Variants in WWOX observed in about 807,000 individuals in gnomAD.
The protein encoded by WWOX is WW domain-containing oxidoreductase.
In WWOX, 69 loss-of-function variants were observed where a neutral mutation model predicts 46.2. The observed-to-expected ratio is 1.49, with a 90% CI of 1.23 to 1.82. The LOEUF (loss-of-function observed/expected upper bound fraction) is 1.82, where lower values mean the gene tolerates loss of function less well. Among genes scored for constraint, WWOX ranks in the 40% most tolerant of loss-of-function variants. The pLI, the probability that WWOX is intolerant of heterozygous loss-of-function variation, is 0.00. For missense variants in WWOX, 919 were observed against 542.6 expected (o/e 1.69, Z -6.89); for synonymous variants, 359 against 202.6 (o/e 1.77, Z -6.56).
chr16:79,169,225 C>G (rs2050654133), intron 8 of WWOX, among the ~76,000 whole-genome samples: 1 of 152,034 alleles, frequency 6.6e-6, no homozygotes, highest in Non-Finnish European at 1.5e-5. Flanking sequence ...GCATTTGGCT[C>G]CAGGTTTTTC....
At chr16:78,728,164 A>G (rs2048881555) in intron 8 of WWOX, among the ~76,000 whole-genome samples, 1 of 145,812 alleles carries the variant, frequency 6.9e-6, no homozygotes, top group Non-Finnish European at 1.5e-5. Context: ...TCCTGGGTTC[A>G]AGTGATTCTC....
At chr16:78,446,900 A>G (rs1420847822) in intron 8 of WWOX, among the ~76,000 whole-genome samples, 5 of 152,056 alleles carry the variant, frequency 3.3e-5, no homozygotes, top group Non-Finnish European at 7.4e-5. Context: ...ACCTCAAGGG[A>G]TCCACCTACC....
At chr16:78,933,776 A>T (rs953492634) in intron 8 of WWOX, among the ~76,000 whole-genome samples, 1 of 152,172 alleles carries the variant, frequency 6.6e-6, no homozygotes, top group Non-Finnish European at 1.5e-5. Context: ...AGCATGGGAA[A>T]ATCCTGCACC....
intron 8 of WWOX, among the ~76,000 whole-genome samples, chr16:78,757,433 C>G (rs148074789): frequency 1.7e-3 from 261 of 152,206 alleles, no homozygotes; most frequent in Middle Eastern, 6.8e-3. Flanking sequence ...TACCTCTTGC[C>G]TCATCAGTTA....
chr16:78,271,823 AG>A (rs1289971777), intron 5 of WWOX, among the ~76,000 whole-genome samples: 1 of 152,226 alleles, frequency 6.6e-6, no homozygotes. Context: ...TATGTGAGGT[AG>A]GGTAGGACAT....
chr16:79,041,634 G>T (rs1479689562), intron 8 of WWOX, among the ~76,000 whole-genome samples: 3 of 152,132 alleles, frequency 2.0e-5, no homozygotes, highest in African/African-American at 4.8e-5. Context: ...GGGGTCAGTA[G>T]CAGGCCACCA....
intron 8 of WWOX, among the ~76,000 whole-genome samples, chr16:79,044,757 G>A (rs1414145281): frequency 6.6e-6 from 1 of 152,160 alleles, no homozygotes; most frequent in Non-Finnish European, 1.5e-5. Context: ...GTTGAAGAAT[G>A]GAAAAGAAGG....
rs566711972 is a variant in WWOX at position 78,863,620 on chromosome 16, C to T, written c.1057-347988C>T. ...CTCCCAACCATAAGCTGTATTCAGGCAGGCACGAAGTCTCTTATTTACTCA... is the reference window on the plus strand; with the variant it reads ...CTCCCAACCATAAGCTGTATTCAGGTAGGCACGAAGTCTCTTATTTACTCA... On this transcript the variant is annotated intron_variant, in intron 8 of 8. Transcript: ENST00000566780. Among the ~76,000 whole-genome samples, 68 of 152,304 alleles carry T rather than the reference C, an allele frequency of 4.5e-4. No homozygotes were observed. The South Asian group carries it at 0.014, about 31-fold the overall frequency.
chr16:79,172,524 C>CA (rs1303093983), intron 8 of WWOX, among the ~76,000 whole-genome samples: 1 of 152,122 alleles, frequency 6.6e-6, no homozygotes, highest in African/African-American at 2.4e-5. Flanking sequence ...TGCTCCTCCT[C>CA]ACTGAGTGGC....
intron 8 of WWOX, among the ~76,000 whole-genome samples, chr16:78,831,039 A>G (rs532624582): frequency 6.6e-6 from 1 of 152,270 alleles, no homozygotes; most frequent in South Asian, 2.1e-4. Context: ...GGAGGGCAGA[A>G]TGTGATGTTT....
At chr16:78,334,455 C>T (rs1263153466) in intron 5 of WWOX, among the ~76,000 whole-genome samples, 1 of 152,102 alleles carries the variant, frequency 6.6e-6, no homozygotes, top group Non-Finnish European at 1.5e-5. Flanking sequence ...ATTAAAGATA[C>T]AGCAAGCACT....
At chr16:78,944,282 C>T (rs979031160) in intron 8 of WWOX, among the ~76,000 whole-genome samples, 3 of 152,148 alleles carry the variant, frequency 2.0e-5, no homozygotes, top group African/African-American at 7.2e-5. Context: ...TCAGCATCTA[C>T]ATCTTTCAGC....
At chr16:78,714,079 C>T (rs1410578629) in intron 8 of WWOX, among the ~76,000 whole-genome samples, 1 of 152,154 alleles carries the variant, frequency 6.6e-6, no homozygotes, top group Non-Finnish European at 1.5e-5. Context: ...GACTGATGAA[C>T]CCAAAGCTCT....
chr16:78,108,505 T>C lies in WWOX; in HGVS notation c.172+18T>C. On this transcript the variant is annotated intron_variant, in intron 2 of 8. Coordinates refer to ENST00000566780, the MANE Select transcript of WWOX (RefSeq NM_016373.4). The stretch of plus-strand genomic sequence containing the variant: ...GGCAGGAGGTTTGTATGTTGTTGTC[T>C]AAGGATCTTGGATGGAAGCATTAAG... 1 of 1,613,466 alleles carries C rather than the reference T, an allele frequency of 6.2e-7. No individual in the cohort carries two copies. Among genetic ancestry groups the C allele is most frequent in the Non-Finnish European group, 8.5e-7 (1 of 1,179,536 alleles).
chr16:78,481,669 C>T (rs1168543622), intron 8 of WWOX, among the ~76,000 whole-genome samples: 1 of 148,482 alleles, frequency 6.7e-6, no homozygotes, highest in Non-Finnish European at 1.5e-5. Flanking sequence ...AACAATTTGG[C>T]TGTATTTGCC....
At chr16:78,302,040 A>G (rs1481280219) in intron 5 of WWOX, among the ~76,000 whole-genome samples, 1 of 150,962 alleles carries the variant, frequency 6.6e-6, no homozygotes, top group East Asian at 2.0e-4. Context: ...AGCTGATTGT[A>G]ACCTCCACCT....
intron 5 of WWOX, among the ~76,000 whole-genome samples, chr16:78,377,492 A>G (rs939902098): frequency 6.6e-5 from 10 of 152,184 alleles, no homozygotes; most frequent in African/African-American, 2.4e-4. Context: ...CGCTTTACCT[A>G]TAGTTAACGT....
intron 4 of WWOX, chr16:78,145,792 G>C (rs1466190239): frequency 1.3e-5 from 2 of 152,094 alleles, no homozygotes; most frequent in African/African-American, 4.8e-5. Context: ...CAGTCCTATT[G>C]GATTAGGGCT....
At chr16:78,674,444 C>G (rs1054722778) in intron 8 of WWOX, among the ~76,000 whole-genome samples, 1 of 152,040 alleles carries the variant, frequency 6.6e-6, no homozygotes, top group Non-Finnish European at 1.5e-5. Flanking sequence ...GCCACCATGC[C>G]CAGCTAATTT....
Sources: allele counts gnomAD v4.1 joint callset (sites outside exome capture counted in the v4.1 genomes callset), GRCh38; gene constraint gnomAD v4.1.1; transcripts MANE v1.5; gene names NCBI Gene and HGNC (gene_info 2026-07-23, HGNC 2026-07-21).